The following GPM6B variants were observed in gnomAD, a reference collection of about 807,000 sequenced individuals.
GPM6B encodes the protein glycoprotein M6B.
A neutral mutation model predicts 27.2 loss-of-function variants in GPM6B; 4 were observed. That is an observed-to-expected ratio of 0.15 (90% CI 0.07 to 0.34). GPM6B has a LOEUF of 0.34. GPM6B is among the 10% of genes least tolerant of loss of function. The probability of loss-of-function intolerance (pLI) is 1.00; values close to 1 mark genes in which losing one functional copy is unlikely to be tolerated. For missense variants in GPM6B, 183 were observed against 261.9 expected (o/e 0.70, Z 2.08); for synonymous variants, 124 against 103.1 (o/e 1.20, Z -1.23).
Position 13,785,638 on chromosome X carries a change from C to A in GPM6B, c.352G>T (p.Ala118Ser). The A allele has an allele frequency of 8.3e-7, 1 of 1,211,428 alleles. No individual in the cohort carries two copies. ...QHFSTNASDH[A>S]LLSEVIQLMQ... is the part of the protein sequence containing the mutation. ...GATACTTACACCTCGCTCAGCAAGG[C>A]ATGGTCACTGGCGTTGGTGGAGAAG... The change falls in exon 3 of 8, where the codon GCC (alanine) becomes TCC (serine). Residue 118 changes from alanine to serine, a missense_variant. Ala to Ser is a moderately conservative substitution (Grantham distance 99). Coordinates refer to ENST00000316715, the MANE Select transcript of GPM6B (RefSeq NM_001001995.3).
chrX:13,779,127 T>C (rs144702274), intron 5 of GPM6B, among the ~76,000 whole-genome samples: 2,196 of 110,957 alleles, frequency 0.02, 51 homozygotes, highest in African/African-American at 0.068. Context: ...GCCCTCTTAC[T>C]CAGCTGCCCT....
chrX:13,857,948 G>A (rs761064112), intron 1 of GPM6B, among the ~76,000 whole-genome samples: 13 of 112,419 alleles, frequency 1.2e-4, no homozygotes, highest in Non-Finnish European at 2.3e-4. Flanking sequence ...CAGCCACTAC[G>A]ACTGCCTTCC....
rs202242299 is a variant in GPM6B at position 13,857,412 on chromosome X, TG to T, written c.-197-71605del. Among the ~76,000 whole-genome samples, 637 of 112,417 alleles carry T rather than the reference TG, an allele frequency of 5.7e-3. 3 individuals are homozygous for T. Among genetic ancestry groups the T allele is most frequent in the African/African-American group, 0.019 (595 of 30,965 alleles). On this transcript the variant is annotated intron_variant, in intron 1 of 6. Transcript: ENST00000398361. ...AAGCCAAAAGTACAGAAAATGTCTA[TG>T]TCATATATAACTTTCCACCTTAACA...
intron 1 of GPM6B, among the ~76,000 whole-genome samples, chrX:13,937,370 GC>G (rs747479712): frequency 9.0e-6 from 1 of 110,841 alleles, no homozygotes; most frequent in Admixed American, 9.6e-5. Flanking sequence ...CAAAATTATC[GC>G]CCCCCCACAC....
intron 1 of GPM6B, chrX:13,813,045 TAC>T (rs1187036425): frequency 8.9e-6 from 1 of 111,763 alleles, no homozygotes; most frequent in East Asian, 2.8e-4. Context: ...GGCAAATTCT[TAC>T]AGATAATAAC....
intron 1 of GPM6B, among the ~76,000 whole-genome samples, chrX:13,860,794 C>A (rs2049836211): frequency 9.2e-6 from 1 of 108,430 alleles, no homozygotes; most frequent in Non-Finnish European, 1.9e-5. Context: ...CCCAGCCTTT[C>A]CCCCCGAGTC....
intron 1 of GPM6B, among the ~76,000 whole-genome samples, chrX:13,854,989 T>C (rs777510327): frequency 3.1e-4 from 33 of 107,689 alleles, no homozygotes; most frequent in Non-Finnish European, 5.5e-4. Context: ...GAGCCCCCCT[T>C]GTGTCCCTAA....
intron 1 of GPM6B, among the ~76,000 whole-genome samples, chrX:13,831,177 T>TACACACACACACACACAC (rs536337642): frequency 1.2e-5 from 1 of 81,635 alleles, no homozygotes; most frequent in African/African-American, 4.7e-5. Flanking sequence ...AAGAGCTCAG[T>TACACACACACACACACAC]ACACACACAC....
upstream of GPM6B, among the ~76,000 whole-genome samples, chrX:13,819,823 G>A (rs911859402): frequency 8.0e-5 from 9 of 112,102 alleles, no homozygotes; most frequent in African/African-American, 2.9e-4. Flanking sequence ...TGGATGGAGG[G>A]GGAAGAGAAT....
chrX:13,818,497 T>C (rs149513000), upstream of GPM6B, among the ~76,000 whole-genome samples: 147 of 112,699 alleles, frequency 1.3e-3, no homozygotes, highest in African/African-American at 4.5e-3. Flanking sequence ...TTAGAACTTC[T>C]AGATGTGTTA....
intron 1 of GPM6B, among the ~76,000 whole-genome samples, chrX:13,853,665 T>G (rs1314555245): frequency 9.3e-6 from 1 of 107,410 alleles, no homozygotes; most frequent in Non-Finnish European, 1.9e-5. Context: ...GACTTCCTTA[T>G]GCTCTCTCTT....
At chrX:13,911,622 A>T (rs1368288100) in intron 1 of GPM6B, among the ~76,000 whole-genome samples, 4 of 112,360 alleles carry the variant, frequency 3.6e-5, no homozygotes, top group Non-Finnish European at 5.6e-5. Flanking sequence ...TGGCCTTTAC[A>T]ATTACTTTTC....
chrX:13,861,612 A>G (rs2049853867), intron 1 of GPM6B, among the ~76,000 whole-genome samples: 2 of 112,169 alleles, frequency 1.8e-5, no homozygotes, highest in South Asian at 7.4e-4. Context: ...GCAATTGAAA[A>G]AGCCGACGAA....
At chrX:13,782,360 G>A (rs2048531730) in intron 4 of GPM6B, among the ~76,000 whole-genome samples, 1 of 111,481 alleles carries the variant, frequency 9.0e-6, no homozygotes, top group Non-Finnish European at 1.9e-5. Flanking sequence ...TCTCCACCAT[G>A]TACTGTGTCC....
intron 1 of GPM6B, among the ~76,000 whole-genome samples, chrX:13,929,008 C>T (rs937235558): frequency 1.8e-5 from 2 of 111,828 alleles, no homozygotes; most frequent in Non-Finnish European, 3.8e-5. Context: ...TCCTGCATCT[C>T]TCAAACACAT....
intron 1 of GPM6B, among the ~76,000 whole-genome samples, chrX:13,842,510 T>C (rs966037421): frequency 5.4e-5 from 6 of 111,373 alleles, no homozygotes; most frequent in Non-Finnish European, 1.1e-4. Context: ...GACCTCCACA[T>C]TGAACAGGAG....
intron 1 of GPM6B, among the ~76,000 whole-genome samples, chrX:13,883,969 A>G (rs896426355): frequency 6.2e-5 from 7 of 112,133 alleles, no homozygotes; most frequent in Non-Finnish European, 1.3e-4. Context: ...CAAGGTCAGG[A>G]GTTCAAGACC....
intron 1 of GPM6B, among the ~76,000 whole-genome samples, chrX:13,867,108 G>C (rs1429434754): frequency 4.3e-5 from 2 of 47,016 alleles, no homozygotes; most frequent in Non-Finnish European, 7.7e-5. Flanking sequence ...GAATCATGAA[G>C]AGGCATTTAT....
At chrX:13,840,071 C>T (rs779707662) in intron 1 of GPM6B, among the ~76,000 whole-genome samples, 1 of 111,901 alleles carries the variant, frequency 8.9e-6, no homozygotes, top group Non-Finnish European at 1.9e-5. Flanking sequence ...AGATACAACA[C>T]CAAAAGTACA....
Sources: gnomAD v4.1 joint callset for allele counts (sites outside exome capture counted in the v4.1 genomes callset) on GRCh38, gnomAD v4.1.1 for gene constraint, MANE v1.5 for transcripts, NCBI Gene and HGNC (gene_info 2026-07-23, HGNC 2026-07-21) for gene names.